SLC13A3: variants seen among roughly 807,000 people sequenced by gnomAD.
SLC13A3 encodes the protein solute carrier family 13 member 3.
In SLC13A3, 40 loss-of-function variants were observed where a neutral mutation model predicts 59.0. That is an observed-to-expected ratio of 0.68 (90% CI 0.53 to 0.88). SLC13A3 has a LOEUF of 0.88. SLC13A3 is among the 40% of genes least tolerant of loss of function. The pLI is 0.00. For synonymous variants in SLC13A3, 317 were observed against 330.3 expected (o/e 0.96, Z 0.44); for missense variants, 699 against 783.2 (o/e 0.89, Z 1.28).
intron 1 of SLC13A3, among the ~76,000 whole-genome samples, chr20:46,676,547 G>A (rs948168039): frequency 3.3e-5 from 5 of 151,286 alleles, no homozygotes; most frequent in African/African-American, 2.4e-5. Context: ...GAGCCACTGC[G>A]CCCGGCCCCT....
At chr20:46,599,891 T>C in intron 4 of SLC13A3, 80 bp downstream of exon 4, 1 of 1,116,708 alleles carries the variant, frequency 9.0e-7, no homozygotes, top group Non-Finnish European at 1.3e-6. Context: ...GGGAGGAAAA[T>C]GGTTTGCAGC....
chr20:46,660,356 A>G (rs1275094074), intron 1 of SLC13A3, among the ~76,000 whole-genome samples: 1 of 152,230 alleles, frequency 6.6e-6, no homozygotes, highest in East Asian at 1.9e-4. Flanking sequence ...TTCACCAGAT[A>G]TAGAAGTCTA....
chr20:46,578,102 A>AT (rs943685454), intron 9 of SLC13A3, among the ~76,000 whole-genome samples: 3 of 149,550 alleles, frequency 2.0e-5, no homozygotes, highest in Non-Finnish European at 3.0e-5. Context: ...AATTTTGTGT[A>AT]TTTTTTTTTA....
chr20:46,624,792 G>A (rs1240995278), intron 1 of SLC13A3, among the ~76,000 whole-genome samples: 2 of 152,196 alleles, frequency 1.3e-5, no homozygotes, highest in Admixed American at 1.3e-4. Flanking sequence ...TATTTCTAAA[G>A]ACCAGATGTG....
At chr20:46,624,176 A>AC (rs2062644346) in intron 1 of SLC13A3, among the ~76,000 whole-genome samples, 1 of 151,910 alleles carries the variant, frequency 6.6e-6, no homozygotes, top group African/African-American at 2.4e-5. Context: ...ATTCACAGGA[A>AC]CCCCATCCTT....
intron 1 of SLC13A3, among the ~76,000 whole-genome samples, chr20:46,629,027 C>T (rs564662318): frequency 1.2e-4 from 19 of 152,296 alleles, no homozygotes; most frequent in Admixed American, 3.9e-4. Flanking sequence ...TCCATTAGGA[C>T]AAATGTCTGT....
Position 46,610,561 on chromosome 20 carries a change from C to T in SLC13A3, c.426G>A (p.Leu142=), listed in dbSNP as rs910428089. Residue 142 remains leucine, a synonymous_variant, in exon 3 of 13, where the codon CTG becomes CTA. Coordinates refer to ENST00000279027, the MANE Select transcript of SLC13A3 (RefSeq NM_022829.6). ...MVTTSFLSMW[L]SNTASTAMML... ...TCATGGCAGTGGAGGCGGTGTTGCT[C>T]AGCCACATGGACAAGAACGAGGTGG... 1.9e-6 allele frequency: 3 copies of T among 1,613,982 alleles called. No homozygotes were observed. Among genetic ancestry groups the T allele is most frequent in the African/African-American group, 1.3e-5 (1 of 74,908 alleles).
intron 8 of SLC13A3, chr20:46,584,207 T>G (rs1477867694): frequency 1.0e-6 from 1 of 985,252 alleles, no homozygotes; most frequent in Non-Finnish European, 1.2e-6. Flanking sequence ...CATTAAGCCC[T>G]CGGGGCAGGC....
At chr20:46,567,041 TA>T (rs559840965) in intron 10 of SLC13A3, among the ~76,000 whole-genome samples, 72 of 151,996 alleles carry the variant, frequency 4.7e-4, no homozygotes, top group African/African-American at 1.7e-3. Flanking sequence ...CTGCCTCTAC[TA>T]AAAATGCAAA....
chr20:46,663,574 G>A (rs1056885373), intron 1 of SLC13A3, among the ~76,000 whole-genome samples: 4 of 152,200 alleles, frequency 2.6e-5, no homozygotes, highest in South Asian at 2.1e-4. Context: ...TTATTTATTC[G>A]TGAATAATAA....
At chr20:46,662,058 A>G (rs2063033929) in intron 1 of SLC13A3, among the ~76,000 whole-genome samples, 2 of 152,152 alleles carry the variant, frequency 1.3e-5, no homozygotes, top group South Asian at 4.1e-4. Flanking sequence ...TTGAAAATTT[A>G]GCTGGTTTCT....
chr20:46,597,300 T>C (rs937537595), intron 4 of SLC13A3, among the ~76,000 whole-genome samples: 26 of 152,198 alleles, frequency 1.7e-4, no homozygotes, highest in Non-Finnish European at 7.3e-5. Context: ...ATTATTGAGA[T>C]GAAATGATGT....
intron 1 of SLC13A3, among the ~76,000 whole-genome samples, chr20:46,636,495 G>A (rs550288238): frequency 2.0e-4 from 30 of 152,356 alleles, no homozygotes; most frequent in Admixed American, 1.2e-3. Flanking sequence ...TTCAGGACAC[G>A]TGGATTAAGC....
chr20:46,597,047 T>C (rs1245533946), intron 4 of SLC13A3, among the ~76,000 whole-genome samples: 1 of 152,122 alleles, frequency 6.6e-6, no homozygotes, highest in Non-Finnish European at 1.5e-5. Flanking sequence ...AGTGAGACCC[T>C]GTCTCTAAAA....
chr20:46,579,601 T>C (rs1304048621), intron 9 of SLC13A3, among the ~76,000 whole-genome samples: 1 of 152,028 alleles, frequency 6.6e-6, no homozygotes, highest in African/African-American at 2.4e-5. Flanking sequence ...GCTCATGGAG[T>C]TCCCTCCCCA....
At chr20:46,592,621 G>A (rs2062271472) in intron 5 of SLC13A3, 92 bp from the exon 6 acceptor site, 1 of 1,334,666 alleles carries the variant, frequency 7.5e-7, no homozygotes, top group Non-Finnish European at 1.1e-6. Flanking sequence ...GTAGCAGCGG[G>A]GAGGAGGAAT....
intron 5 of SLC13A3, among the ~76,000 whole-genome samples, chr20:46,594,186 A>G (rs1170262556): frequency 1.3e-5 from 2 of 150,878 alleles, no homozygotes; most frequent in South Asian, 2.1e-4. Context: ...GAAATCCCAC[A>G]TTTGATATTT....
intron 1 of SLC13A3, chr20:46,682,131 CA>C (rs1199467157): frequency 6.6e-6 from 1 of 152,158 alleles, no homozygotes; most frequent in Non-Finnish European, 1.5e-5. Flanking sequence ...GCAAGTGAGG[CA>C]CAAATTTAAG....
intron 1 of SLC13A3, among the ~76,000 whole-genome samples, chr20:46,633,860 C>G (rs1249092681): frequency 6.6e-6 from 1 of 152,210 alleles, no homozygotes; most frequent in Admixed American, 6.5e-5. Flanking sequence ...CCAAGCCATG[C>G]TTTTTGGGGT....
Sources: gnomAD v4.1 joint callset for allele counts (sites outside exome capture counted in the v4.1 genomes callset) on GRCh38, gnomAD v4.1.1 for gene constraint, MANE v1.5 for transcripts, NCBI Gene and HGNC (gene_info 2026-07-23, HGNC 2026-07-21) for gene names.